PDE8A: variants seen among roughly 807,000 people sequenced by gnomAD.
The protein encoded by PDE8A is high affinity cAMP-specific and IBMX-insensitive 3',5'-cyclic phosphodiesterase 8A.
A neutral mutation model predicts 105.0 loss-of-function variants in PDE8A; 59 were observed. The ratio of observed to expected loss-of-function variants is 0.56; its 90% CI spans 0.46 to 0.70. The LOEUF (loss-of-function observed/expected upper bound fraction) is 0.70. PDE8A is among the 30% of genes least tolerant of loss of function. PDE8A has a pLI of 0.00. For synonymous variants in PDE8A, 355 were observed against 371.9 expected (o/e 0.95, Z 0.52); for missense variants, 1,014 against 1,045.9 (o/e 0.97, Z 0.42).
intron 5 of PDE8A, 49 bp downstream of exon 5, chr15:85,076,836 T>A: frequency 8.5e-7 from 1 of 1,176,530 alleles, no homozygotes; most frequent in Non-Finnish European, 1.3e-6. Context: ...TTTGAGAAAT[T>A]ATTTTATCTC....
intron 1 of PDE8A, among the ~76,000 whole-genome samples, chr15:85,059,760 C>G (rs1337176423): frequency 6.6e-6 from 1 of 152,182 alleles, no homozygotes; most frequent in Non-Finnish European, 1.5e-5. Flanking sequence ...TTCTGCCAAT[C>G]TCTGTCTTTT....
At chr15:85,037,028 C>T (rs1385283960) in intron 1 of PDE8A, among the ~76,000 whole-genome samples, 1 of 151,780 alleles carries the variant, frequency 6.6e-6, no homozygotes, top group Non-Finnish European at 1.5e-5. Context: ...GTCTTTTCTT[C>T]AAATGAAGGT....
rs374527775 is a variant in PDE8A, at chr15:84,989,835, A to G, written c.186+7487A>G. Among the ~76,000 whole-genome samples, 8 of 152,222 alleles carry G rather than the reference A, an allele frequency of 5.3e-5. No individual in the cohort carries two copies. The East Asian group carries it at 9.6e-4, about 18-fold the overall frequency. On this transcript the variant is annotated intron_variant, in intron 1 of 21. Coordinates refer to ENST00000394553, the MANE Select transcript of PDE8A (RefSeq NM_002605.3). ...TCATTTTTAATATAGTTTTTCTCCAATATTTTGTGAAAATTTTCATAGAGC... is the reference window on the plus strand; with the variant it reads ...TCATTTTTAATATAGTTTTTCTCCAGTATTTTGTGAAAATTTTCATAGAGC...
intron 3 of PDE8A, 82 bp from the exon 4 acceptor site, chr15:85,075,780 T>A: frequency 1.3e-6 from 1 of 768,748 alleles, no homozygotes; most frequent in Non-Finnish European, 2.1e-6. Flanking sequence ...TCTTCCAACT[T>A]TAATTGTTGT....
chr15:85,123,246 G>T (rs1285302545), intron 19 of PDE8A, 53 bp downstream of exon 19: 4 of 1,572,520 alleles, frequency 2.5e-6, no homozygotes, highest in East Asian at 2.2e-5. Flanking sequence ...TTGTACTGTT[G>T]TGTTATGGAG....
intron 1 of PDE8A, among the ~76,000 whole-genome samples, chr15:85,056,157 A>G (rs372569600): frequency 1.2e-4 from 19 of 152,258 alleles, no homozygotes; most frequent in East Asian, 9.7e-4. Context: ...TCTGGCTTGT[A>G]GAGTTTCTGC....
rs563631633 is a variant in PDE8A, at chr15:85,091,901, C to CTTTT, written c.852+737_852+740dup. 3.5e-3 allele frequency among the ~76,000 whole-genome samples: 306 copies of CTTTT among 88,382 alleles called. 12 individuals carry two copies. The highest frequency in any genetic ancestry group is 0.01 in the African/African-American group (235 of 22,614). The allele number at this position is 88,382 out of a possible 152,430, so 58.0% of individuals were successfully genotyped here. ...ATCATTCATGGTCCTTTCTGCTGGA[C>CTTTT]TTTTTTTTTTTTTTTTTTTTGCTTT... On this transcript the variant is annotated intron_variant, in intron 8 of 21. Coordinates refer to ENST00000394553, the MANE Select transcript of PDE8A (RefSeq NM_002605.3).
intron 11 of PDE8A, among the ~76,000 whole-genome samples, chr15:85,102,024 T>C (rs1266819100): frequency 6.6e-6 from 1 of 152,202 alleles, no homozygotes; most frequent in Non-Finnish European, 1.5e-5. Context: ...TGAAAATGTT[T>C]CTGGCCAGCC....
chr15:85,036,720 C>T (rs1312256287), intron 1 of PDE8A, among the ~76,000 whole-genome samples: 1 of 152,140 alleles, frequency 6.6e-6, no homozygotes, highest in Non-Finnish European at 1.5e-5. Flanking sequence ...GAGGCACTGC[C>T]TCAGCTGCCC....
chr15:85,062,251 A>ACTGTT (rs1567258339), intron 1 of PDE8A, among the ~76,000 whole-genome samples: 1 of 151,762 alleles, frequency 6.6e-6, no homozygotes, highest in African/African-American at 2.4e-5. Context: ...ATTTGCTGTT[A>ACTGTT]TTGTTTTGTT....
intron 5 of PDE8A, 22 bp from the exon 6 acceptor site, chr15:85,083,534 A>C (rs991491799): frequency 1.3e-6 from 2 of 1,496,790 alleles, no homozygotes; most frequent in Admixed American, 1.7e-5. Flanking sequence ...TTTATCCACA[A>C]AATTCCTCTT....
At chr15:85,000,335 G>A (rs760545853) in intron 1 of PDE8A, among the ~76,000 whole-genome samples, 2 of 152,126 alleles carry the variant, frequency 1.3e-5, no homozygotes, top group African/African-American at 2.4e-5. Context: ...ATAAACAGGG[G>A]TGCACTGGTT....
At chr15:85,123,286 G>T in intron 19 of PDE8A, 93 bp downstream of exon 19, 1 of 1,211,924 alleles carries the variant, frequency 8.3e-7, no homozygotes, top group Non-Finnish European at 1.2e-6. Context: ...AGCCACAGAA[G>T]GGTTCCCTCA....
At chr15:85,092,223 T>C (rs2081655915) in intron 8 of PDE8A, among the ~76,000 whole-genome samples, 1 of 152,120 alleles carries the variant, frequency 6.6e-6, no homozygotes, top group Non-Finnish European at 1.5e-5. Context: ...AAGGAAATAA[T>C]AGGCCAGCTG....
At chr15:85,046,485 T>C (rs2080890314) in intron 1 of PDE8A, among the ~76,000 whole-genome samples, 1 of 152,220 alleles carries the variant, frequency 6.6e-6, no homozygotes, top group African/African-American at 2.4e-5. Flanking sequence ...TTAAAAAGAT[T>C]AGCTGTTGAC....
Position 85,026,164 on chromosome 15 carries a change from A to T in PDE8A, c.187-38206A>T, listed in dbSNP as rs762478683. On this transcript the variant is annotated intron_variant, in intron 1 of 21. Coordinates refer to ENST00000394553, the MANE Select transcript of PDE8A (RefSeq NM_002605.3). ...CAGTTAAATTGCTGTGAAACAAACCACCCCAAACTTAGTGACATTAAACAG... is the reference window on the plus strand; with the variant it reads ...CAGTTAAATTGCTGTGAAACAAACCTCCCCAAACTTAGTGACATTAAACAG... Among the ~76,000 whole-genome samples, 90 of 152,108 alleles carry T rather than the reference A, an allele frequency of 5.9e-4. 1 individual carries two copies. The highest frequency in any genetic ancestry group is 4.6e-4 in the Admixed American group (7 of 15,272).
At chr15:85,067,562 T>C (rs903052404) in intron 3 of PDE8A, among the ~76,000 whole-genome samples, 1 of 152,228 alleles carries the variant, frequency 6.6e-6, no homozygotes, top group Non-Finnish European at 1.5e-5. Context: ...TAATGTTCGA[T>C]GAATGGGCTT....
At chr15:85,000,236 A>G (rs2080046044) in intron 1 of PDE8A, among the ~76,000 whole-genome samples, 1 of 152,222 alleles carries the variant, frequency 6.6e-6, no homozygotes, top group South Asian at 2.1e-4. Flanking sequence ...CCTATTAACC[A>G]GAATTTTGTT....
Position 84,982,278 on chromosome 15 carries a change from C to T in PDE8A, c.116C>T (p.Thr39Met), listed in dbSNP as rs2079725571. Residue 39 changes from threonine (T) to methionine (M), a missense_variant, in exon 1 of 22, where the codon ACG becomes ATG. Thr to Met is a moderately conservative substitution (Grantham distance 81). Transcript: ENST00000394553. ...GGPRLPQGQK[T>M]AALPRTRGAG... is the part of the protein sequence containing the mutation. ...CCGCGCCTCCCGCAGGGCCAGAAGACGGCCGCCTTGCCCCGGACCCGCGGC... is the reference window on the plus strand; with the variant it reads ...CCGCGCCTCCCGCAGGGCCAGAAGATGGCCGCCTTGCCCCGGACCCGCGGC... 15 of 1,429,490 alleles carry T rather than the reference C, an allele frequency of 1.0e-5. No homozygotes were observed. Among genetic ancestry groups the T allele is most frequent in the Non-Finnish European group, 1.4e-5 (15 of 1,100,020 alleles). The allele number at this position is 1,429,490 out of a possible 1,614,324, so 88.6% of individuals were successfully genotyped here. A position where few individuals can be genotyped will look rare whatever the true frequency, so the allele number is the denominator to read the frequency against.
Sources: gnomAD v4.1 joint callset for allele counts (sites outside exome capture counted in the v4.1 genomes callset) on GRCh38, gnomAD v4.1.1 for gene constraint, MANE v1.5 for transcripts, NCBI Gene and HGNC (gene_info 2026-07-23, HGNC 2026-07-21) for gene names.